The following STAT4 variants were observed in gnomAD, a reference collection of about 807,000 sequenced individuals.
The protein encoded by STAT4 is signal transducer and activator of transcription 4.
STAT4 carries 42 observed loss-of-function variants against 110.5 expected under a neutral mutation model. That is an observed-to-expected ratio of 0.38 (90% confidence interval 0.30 to 0.49). STAT4 has a LOEUF of 0.49. STAT4 is among the 20% of genes least tolerant of loss of function. STAT4 has a pLI of 0.95. For synonymous variants in STAT4, 284 were observed against 302.2 expected (o/e 0.94, Z 0.63); for missense variants, 632 against 887.9 (o/e 0.71, Z 3.66).
In STAT4 at chr2:191,062,885, C is replaced by G; in HGVS notation, c.818G>C (p.Arg273Thr). ...CTCCTCTAGTTTCTCCAATTGCCTTCTCAGTTGGAAAAGACTTTCTGCCAA... is the reference window on the plus strand; with the variant it reads ...CTCCTCTAGTTTCTCCAATTGCCTTGTCAGTTGGAAAAGACTTTCTGCCAA... ...TLLAESLFQL[R>T]RQLEKLEEQS... Residue 273 changes from arginine to threonine, a missense_variant, in exon 9 of 24, where the codon AGA becomes ACA. Arg to Thr is a moderately conservative substitution (Grantham distance 71). This residue lies in a region of STAT4 where 488 missense variants were observed against 632.8 expected (regional missense o/e 0.77). Coordinates refer to ENST00000392320, the MANE Select transcript of STAT4 (RefSeq NM_003151.4). The surrounding 1 kb of genome is among the most constrained non-coding windows in gnomAD (Gnocchi z 4.9). 1 of 1,613,790 alleles carries G rather than the reference C, an allele frequency of 6.2e-7. No homozygotes were observed. Among genetic ancestry groups the G allele is most frequent in the Non-Finnish European group, 8.5e-7 (1 of 1,179,862 alleles).
At chr2:191,118,935 A>G (rs557796702) in intron 3 of STAT4, among the ~76,000 whole-genome samples, 1 of 152,114 alleles carries the variant, frequency 6.6e-6, no homozygotes, top group East Asian at 1.9e-4. Context: ...AGTTTTTCTA[A>G]TTTTTGTTTT....
chr2:191,058,003 T>C lies in STAT4; in HGVS notation c.1206+15A>G. The C allele has an allele frequency of 6.2e-7, 1 of 1,608,722 alleles. No individual in the cohort carries two copies. The highest frequency in any genetic ancestry group is 8.5e-7 in the Non-Finnish European group (1 of 1,175,324). ...GGGGAAAAAAAAGCCTGTTTAACTT[T>C]ACTGCCAAACTTACCAAATGTCGAA... On this transcript the variant is annotated intron_variant, in intron 13 of 23. Coordinates refer to ENST00000392320, the MANE Select transcript of STAT4 (RefSeq NM_003151.4). This position sits in a 1 kb window ranked among gnomAD's most constrained non-coding sequence, Gnocchi z 4.3.
At chr2:191,093,711 A>G (rs1157509659) in intron 3 of STAT4, among the ~76,000 whole-genome samples, 1 of 152,256 alleles carries the variant, frequency 6.6e-6, no homozygotes, top group Non-Finnish European at 1.5e-5. Flanking sequence ...CTTGCCAGCA[A>G]CAGAACAAAG....
At chr2:191,137,144 A>G (rs1699202528) in intron 3 of STAT4, among the ~76,000 whole-genome samples, 1 of 152,172 alleles carries the variant, frequency 6.6e-6, no homozygotes, top group Non-Finnish European at 1.5e-5. Context: ...GGAGTCTGAG[A>G]CCAACCTGGC....
In STAT4 at chr2:191,029,890, C is replaced by A. The variant is rs1158192336; in HGVS notation, c.2221-24G>T. The A allele has an allele frequency of 3.8e-6, 6 of 1,568,864 alleles. No homozygotes were observed. In the South Asian group the frequency reaches 4.7e-5, roughly 12 times the overall value. ...ATCTAAAATTAAAAATGAAAATAAT[C>A]TTTGAGGAAACTACTGGTTTTCAAA... On this transcript the variant is annotated intron_variant, in intron 23 of 23. Coordinates refer to ENST00000392320, the MANE Select transcript of STAT4 (RefSeq NM_003151.4). This position sits in a 1 kb window ranked among gnomAD's most constrained non-coding sequence, Gnocchi z 4.5.
chr2:191,079,329 T>C (rs1330420015), intron 3 of STAT4, among the ~76,000 whole-genome samples: 4 of 150,258 alleles, frequency 2.7e-5, no homozygotes, highest in Non-Finnish European at 5.9e-5. Flanking sequence ...TTTATACTTG[T>C]GTTCTAATCT....
rs1696185723 is a variant in STAT4, at chr2:191,041,106, C to A, written c.1294G>T (p.Glu432Ter). 1 of 1,497,174 alleles carries A rather than the reference C, an allele frequency of 6.7e-7. No individual in the cohort carries two copies. The highest frequency in any genetic ancestry group is 1.4e-5 in the South Asian group (1 of 71,180). The allele number at this position is 1,497,174 out of a possible 1,614,324, so 92.7% of individuals were successfully genotyped here. Residue 432 changes from glutamate to a stop codon, truncating the protein, a stop_gained, in exon 15 of 24, where the codon GAA becomes TAA. Transcript: ENST00000392320. LOFTEE classifies it high-confidence loss of function. The part of the protein sequence containing the change: ...VTEELHSITF[E>*]TQICLYGLTI... ...AGGCCATAGAGGCAGATCTGTGTTT[C>A]AAACGTTATGGAATGAAGTTCTTCA... is the stretch of plus-strand genomic sequence containing the variant.
At chr2:191,151,563 C>G, upstream of STAT4, 1 of 985,600 alleles carries the variant, frequency 1.0e-6, no homozygotes. This position sits in a 1 kb window ranked among gnomAD's most constrained non-coding sequence, Gnocchi z 4.7. Context: ...CCTGACCTAG[C>G]CTCCTCCTAC....
In STAT4 at chr2:191,031,350, C is replaced by T; in HGVS notation, c.2111+100G>A. The T allele has an allele frequency of 8.1e-7, 1 of 1,236,802 alleles. No homozygotes were observed. Among genetic ancestry groups the T allele is most frequent in the Non-Finnish European group, 1.1e-6 (1 of 882,308 alleles). The allele number at this position is 1,236,802 out of a possible 1,614,324, so 76.6% of individuals were successfully genotyped here. A position where few individuals can be genotyped will look rare whatever the true frequency, so the allele number is the denominator to read the frequency against. On this transcript the variant is annotated intron_variant, in intron 22 of 23. Coordinates refer to ENST00000392320, the MANE Select transcript of STAT4 (RefSeq NM_003151.4). This position sits in a 1 kb window ranked among gnomAD's most constrained non-coding sequence, Gnocchi z 4.8. ...AAAGGAAATGGGACATTGCACATTA[C>T]AATGCTTTGTTCTCAGTTATGTGTA...
At chr2:191,085,157 T>A (rs1697603405) in intron 3 of STAT4, among the ~76,000 whole-genome samples, 1 of 151,834 alleles carries the variant, frequency 6.6e-6, no homozygotes, top group Non-Finnish European at 1.5e-5. Context: ...AAAGAGTAAA[T>A]GTTTCTGCTC....
At position 191,066,330 on chromosome 2, in the gene STAT4, G is replaced by A; in HGVS notation, c.630+100C>T. 9.6e-7 allele frequency: 1 copy of A among 1,046,636 alleles called. No homozygotes were observed. The highest frequency in any genetic ancestry group is 2.1e-5 in the Admixed American group (1 of 48,578). The allele number at this position is 1,046,636 out of a possible 1,614,324, so 64.8% of individuals were successfully genotyped here. On this transcript the variant is annotated intron_variant, in intron 7 of 23. Transcript: ENST00000392320. The surrounding 1 kb of genome is among the most constrained non-coding windows in gnomAD (Gnocchi z 4.3). ...CTTGCCGTTTCTTCATTCAGTAAAT[G>A]GAACTGATAAAATCTGACAGCTTGA...
chr2:191,111,037 C>T (rs1157245731), intron 3 of STAT4, among the ~76,000 whole-genome samples: 1 of 152,114 alleles, frequency 6.6e-6, no homozygotes, highest in Admixed American at 6.5e-5. Flanking sequence ...CCACTTGCTT[C>T]GGCCTCCCAA....
rs1347109444 is a variant in STAT4, at chr2:191,051,361, C to A, written c.1251+3129G>T. The stretch of plus-strand genomic sequence containing the variant: ...CATCACCAACATCTACACAGCCCAC[C>A]ACCACTGACTCACACACAGCTCATT... On this transcript the variant is annotated intron_variant, in intron 14 of 23. Coordinates refer to ENST00000392320, the MANE Select transcript of STAT4 (RefSeq NM_003151.4). The surrounding 1 kb of genome is among the most constrained non-coding windows in gnomAD (Gnocchi z 5.6). Among the ~76,000 whole-genome samples the A allele has an allele frequency of 6.6e-6, 1 of 152,230 alleles. No individual in the cohort carries two copies. Among genetic ancestry groups the A allele is most frequent in the African/African-American group, 2.4e-5 (1 of 41,458 alleles).
At chr2:191,052,055 T>C (rs964382800) in intron 14 of STAT4, among the ~76,000 whole-genome samples, 3 of 152,212 alleles carry the variant, frequency 2.0e-5, no homozygotes, top group Admixed American at 6.5e-5. Context: ...AGCAACTTTT[T>C]GAAACTTGAA....
rs1031910218 is a variant in STAT4 at position 191,112,284 on chromosome 2, A to G, written c.273+34329T>C. Among the ~76,000 whole-genome samples the G allele has an allele frequency of 9.9e-5, 15 of 152,190 alleles. No homozygotes were observed. Among genetic ancestry groups the G allele is most frequent in the Non-Finnish European group, 1.5e-5 (1 of 68,026 alleles). On this transcript the variant is annotated intron_variant, in intron 3 of 23. Coordinates refer to ENST00000392320, the MANE Select transcript of STAT4 (RefSeq NM_003151.4). This position sits in a 1 kb window ranked among gnomAD's most constrained non-coding sequence, Gnocchi z 4.3. ...TCAAAGAAAACCAAATCATATCCAA[A>G]TTGTCTCATTTCCTAGCTATGTGAC...
In STAT4 at chr2:191,059,899, C is replaced by A. The variant is rs1282619509; in HGVS notation, c.1035-1130G>T. On this transcript the variant is annotated intron_variant, in intron 10 of 23. Coordinates refer to ENST00000392320, the MANE Select transcript of STAT4 (RefSeq NM_003151.4). The surrounding 1 kb of genome is among the most constrained non-coding windows in gnomAD (Gnocchi z 4.7). ...GCCAGATGTTTTTCCTCTCCACCTT[C>A]CTTTTTATACCACTTCAGGAAGGAT... is the stretch of plus-strand genomic sequence containing the variant. 6.6e-6 allele frequency among the ~76,000 whole-genome samples: 1 copy of A among 152,158 alleles called. No homozygotes were observed.
chr2:191,058,553 T>C lies in STAT4; in HGVS notation c.1094+157A>G, dbSNP rs1337374917. Among the ~76,000 whole-genome samples, 1 of 152,220 alleles carries C rather than the reference T, an allele frequency of 6.6e-6. No homozygotes were observed. The highest frequency in any genetic ancestry group is 1.5e-5 in the Non-Finnish European group (1 of 68,038). ...TAGGATACCATTGAATTTTGTTAAATGTTTGAACTTCAAAGTCAAATATTT... is the reference window on the plus strand; with the variant it reads ...TAGGATACCATTGAATTTTGTTAAACGTTTGAACTTCAAAGTCAAATATTT... On this transcript the variant is annotated intron_variant, in intron 11 of 23. Coordinates refer to ENST00000392320, the MANE Select transcript of STAT4 (RefSeq NM_003151.4). The surrounding 1 kb of genome is among the most constrained non-coding windows in gnomAD (Gnocchi z 4.3).
At chr2:191,114,450 A>C (rs1698519227) in intron 3 of STAT4, among the ~76,000 whole-genome samples, 1 of 152,184 alleles carries the variant, frequency 6.6e-6, no homozygotes, top group Admixed American at 6.5e-5. Context: ...AAAAGAAGAA[A>C]CGATATATTT....
intron 3 of STAT4, chr2:191,132,000 C>A: frequency 8.2e-7 from 1 of 1,212,786 alleles, no homozygotes; most frequent in Non-Finnish European, 1.0e-6. Context: ...TGAAACACGC[C>A]ATTCATTCCA....
Sources: allele counts gnomAD v4.1 joint callset (sites outside exome capture counted in the v4.1 genomes callset), GRCh38; gene constraint gnomAD v4.1.1; regional missense constraint gnomAD v4.1.1; non-coding constraint Gnocchi (gnomAD v3.1); transcripts MANE v1.5; gene names NCBI Gene and HGNC (gene_info 2026-07-23, HGNC 2026-07-21).